The following PLOD1 variants were observed in gnomAD, a reference collection of about 807,000 sequenced individuals.
The protein encoded by PLOD1 is lysine hydroxylase.
In PLOD1, 70 loss-of-function variants were observed where a neutral mutation model predicts 94.7. The ratio of observed to expected loss-of-function variants is 0.74; its 90% CI spans 0.61 to 0.90. The LOEUF is 0.90. Ranked by LOEUF, PLOD1 falls within the 40% of genes least tolerant of loss-of-function variation. The pLI, the probability that PLOD1 is intolerant of heterozygous loss-of-function variation, is 0.00. For synonymous variants in PLOD1, 417 were observed against 400.2 expected (o/e 1.04, Z -0.50); for missense variants, 905 against 972.7 (o/e 0.93, Z 0.93).
rs1424536363 is a variant in PLOD1, at chr1:11,957,267, TG to T, written c.741+256del. 5.7e-6 allele frequency: 4 copies of T among 697,588 alleles called. No homozygotes were observed. The highest frequency in any genetic ancestry group is 1.1e-5 in the Non-Finnish European group (4 of 370,186). The allele number at this position is 697,588 out of a possible 1,614,324, so 43.2% of individuals were successfully genotyped here. On this transcript the variant is annotated intron_variant, in intron 7 of 18. Transcript: ENST00000196061. This position sits in a 1 kb window ranked among gnomAD's most constrained non-coding sequence, Gnocchi z 4.1. ...CTGCCATCCCCTTCCAGGCCTAGGCTGGGCTACCAGAGCCATCTGCACTGTC... is the reference window on the plus strand; with the variant it reads ...CTGCCATCCCCTTCCAGGCCTAGGCTGGCTACCAGAGCCATCTGCACTGTC...
rs1419423764 is a variant in PLOD1, at chr1:11,966,332, A to G, written c.1650+16A>G. 2 of 1,575,314 alleles carry G rather than the reference A, an allele frequency of 1.3e-6. No homozygotes were observed. The highest frequency in any genetic ancestry group is 1.1e-5 in the South Asian group (1 of 88,192). On this transcript the variant is annotated intron_variant, in intron 15 of 18. Coordinates refer to ENST00000196061, the MANE Select transcript of PLOD1 (RefSeq NM_000302.4). ...GGTGGAGACGGTAAGGGCCATGGAC[A>G]CCCTCTTGGACCAGCCTTGCCTGCT...
At chr1:11,956,846 C>A in intron 6 of PLOD1, 71 bp from the exon 7 acceptor site, 1 of 980,454 alleles carries the variant, frequency 1.0e-6, no homozygotes, top group Non-Finnish European at 1.7e-6. Flanking sequence ...GGGATTTGAG[C>A]CCAGCTGGTT....
Position 11,957,054 on chromosome 1 carries a change from C to A in PLOD1, c.741+40C>A. 2 of 1,306,786 alleles carry A rather than the reference C, an allele frequency of 1.5e-6. No homozygotes were observed. Among genetic ancestry groups the A allele is most frequent in the Non-Finnish European group, 2.2e-6 (2 of 899,544 alleles). 80.9% of individuals were successfully genotyped at this position (1,306,786 alleles called of 1,614,324 possible). On this transcript the variant is annotated intron_variant, in intron 7 of 18. Coordinates refer to ENST00000196061, the MANE Select transcript of PLOD1 (RefSeq NM_000302.4). This position sits in a 1 kb window ranked among gnomAD's most constrained non-coding sequence, Gnocchi z 4.1. ...GCCCCTGGGGAGTGTGGGAGGGGGC[C>A]AGAGCCCTAATTTCATTCTCACTGT...
intron 1 of PLOD1, among the ~76,000 whole-genome samples, chr1:11,946,750 T>C (rs1198063455): frequency 1.3e-5 from 2 of 150,974 alleles, no homozygotes; most frequent in Non-Finnish European, 3.0e-5. Context: ...CTTCATGACA[T>C]GTTGGTCAGT....
At chr1:11,956,317 G>A (rs1645737420) in intron 6 of PLOD1, among the ~76,000 whole-genome samples, 1 of 152,158 alleles carries the variant, frequency 6.6e-6, no homozygotes, top group Admixed American at 6.5e-5. Context: ...CTGGGAGGCG[G>A]AGGTTGCAGT....
rs546442143 is a variant in PLOD1 at position 11,961,091 on chromosome 1, T to TA, written c.1097+334dup. ...CTTGAATGTTTTACTTTATTATATA[T>TA]AAAAAAAAAAGGCCGAGAGCAGTGG... On this transcript the variant is annotated intron_variant, in intron 10 of 18. Coordinates refer to ENST00000196061, the MANE Select transcript of PLOD1 (RefSeq NM_000302.4). 2.9e-3 allele frequency among the ~76,000 whole-genome samples: 427 copies of TA among 145,990 alleles called. 1 individual carries two copies. Among genetic ancestry groups the TA allele is most frequent in the African/African-American group, 9.4e-3 (376 of 40,042 alleles).
intron 5 of PLOD1, among the ~76,000 whole-genome samples, chr1:11,953,011 A>T (rs1645714148): frequency 6.6e-6 from 1 of 152,138 alleles, no homozygotes; most frequent in East Asian, 1.9e-4. Flanking sequence ...CAGATGGTGG[A>T]AGGGGGTAGG....
At chr1:11,948,615 A>T (rs959786181) in intron 2 of PLOD1, among the ~76,000 whole-genome samples, 2 of 152,120 alleles carry the variant, frequency 1.3e-5, no homozygotes, top group Non-Finnish European at 2.9e-5. Flanking sequence ...CTGTAATCCC[A>T]GCTGCTTAGG....
rs768008712 is a variant in PLOD1 at position 11,960,641 on chromosome 1, C to T, written c.976-5C>T. Reference sequence around the variant, plus strand: ...CCGCATCCCCTTCCCCATCCCCAACCCCAGGAGCAGCACCACAAGGCTCAG... The same window carrying T: ...CCGCATCCCCTTCCCCATCCCCAACTCCAGGAGCAGCACCACAAGGCTCAG... On this transcript the variant is annotated splice_polypyrimidine_tract_variant and splice_region_variant and intron_variant, in intron 9 of 18. Coordinates refer to ENST00000196061, the MANE Select transcript of PLOD1 (RefSeq NM_000302.4). 1.9e-6 allele frequency: 3 copies of T among 1,610,394 alleles called. No homozygotes were observed. Among genetic ancestry groups the T allele is most frequent in the Non-Finnish European group, 2.5e-6 (3 of 1,178,352 alleles).
rs760869815 is a variant in PLOD1, at chr1:11,957,926, A to G, written c.826A>G (p.Ser276Gly). 3.1e-6 allele frequency: 5 copies of G among 1,613,044 alleles called. No homozygotes were observed. Among genetic ancestry groups the G allele is most frequent in the Non-Finnish European group, 4.2e-6 (5 of 1,179,020 alleles). The change falls in exon 8 of 19, where the codon AGC becomes GGC. Residue 276 changes from serine (S) to glycine (G), a missense_variant. Physicochemically the swap from Ser to Gly is moderately conservative, Grantham distance 56 (BLOSUM62 0). Transcript: ENST00000196061. The surrounding 1 kb of genome is among the most constrained non-coding windows in gnomAD (Gnocchi z 4.1). ...CACCGTGTGTGACGAAGGCTTGCGC[A>G]GCCTCAAGGGCATTGGGGTGAGGCT... The part of the protein sequence containing the change: ...GCTVCDEGLR[S>G]LKGIGDEALP...
chr1:11,951,565 AT>A (rs146500769), intron 4 of PLOD1, among the ~76,000 whole-genome samples: 6,347 of 146,942 alleles, frequency 0.043, 441 homozygotes, highest in African/African-American at 0.15. Context: ...TAAATAAAAA[AT>A]AATACTATAT....
chr1:11,948,102 G>A lies in PLOD1; in HGVS notation c.168+35G>A, dbSNP rs199748181. 40 of 1,401,920 alleles carry A rather than the reference G, an allele frequency of 2.9e-5. No individual in the cohort carries two copies. In the East Asian group the frequency reaches 8.6e-4, roughly 30 times the overall value. The allele number at this position is 1,401,920 out of a possible 1,614,324, so 86.8% of individuals were successfully genotyped here. A position where few individuals can be genotyped will look rare whatever the true frequency, so the allele number is the denominator to read the frequency against. On this transcript the variant is annotated intron_variant, in intron 2 of 18. Coordinates refer to ENST00000196061, the MANE Select transcript of PLOD1 (RefSeq NM_000302.4). ...TTCCTGGGTGAGGCAGAGACAGTGAGGGGTGGCAGGAGGATCTAGGAGCTA... is the reference window on the plus strand; with the variant it reads ...TTCCTGGGTGAGGCAGAGACAGTGAAGGGTGGCAGGAGGATCTAGGAGCTA...
Position 11,943,300 on chromosome 1 carries a change from C to CTT in PLOD1, c.77-4664_77-4663dup, listed in dbSNP as rs1553132909. The stretch of plus-strand genomic sequence containing the variant: ...ACCGTGCCCGGCTTTTTTTTTCTTT[C>CTT]TTTTTTTTTTTTTGAGACAGAGTTT... On this transcript the variant is annotated intron_variant, in intron 1 of 18. Transcript: ENST00000196061. 1.4e-3 allele frequency among the ~76,000 whole-genome samples: 204 copies of CTT among 141,464 alleles called. 1 individual carries two copies. Among genetic ancestry groups the CTT allele is most frequent in the African/African-American group, 5.2e-3 (198 of 38,210 alleles). The allele number at this position is 141,464 out of a possible 152,430, so 92.8% of individuals were successfully genotyped here.
intron 3 of PLOD1, 87 bp from the exon 4 acceptor site, chr1:11,950,270 C>T (rs957284108): frequency 7.4e-7 from 1 of 1,342,922 alleles, no homozygotes; most frequent in African/African-American, 1.4e-5. Flanking sequence ...TTGTGGAGCA[C>T]TTGATCCCTG....
Position 11,950,437 on chromosome 1 carries a change from C to A in PLOD1, c.383C>A (p.Ala128Asp), listed in dbSNP as rs1436188796. Residue 128 changes from alanine to aspartate, a missense_variant, in exon 4 of 19, where the codon GCT (alanine) becomes GAT (aspartate). Coordinates refer to ENST00000196061, the MANE Select transcript of PLOD1 (RefSeq NM_000302.4). ...RQARSQVVFS[A>D]EELIYPDRRL... ...GCCAGGAGCCAGGTGGTCTTCTCTGCTGAGGAGCTCATCTACCCAGACCGC... is the reference window on the plus strand; with the variant it reads ...GCCAGGAGCCAGGTGGTCTTCTCTGATGAGGAGCTCATCTACCCAGACCGC... 2.5e-6 allele frequency: 4 copies of A among 1,614,156 alleles called. No homozygotes were observed. The South Asian group carries it at 4.4e-5, about 18-fold the overall frequency.
chr1:11,944,525 C>A, intron 1 of PLOD1: 1 of 1,343,616 alleles, frequency 7.4e-7, no homozygotes, highest in South Asian at 1.2e-5. Flanking sequence ...CCAGCAGCCC[C>A]CTGTTGCCAA....
intron 6 of PLOD1, among the ~76,000 whole-genome samples, chr1:11,956,364 A>G (rs1264560304): frequency 3.3e-5 from 5 of 152,158 alleles, no homozygotes; most frequent in African/African-American, 4.8e-5. Context: ...ACACTGGGCA[A>G]TAGAATGAGA....
chr1:11,950,057 AGCCC>A, intron 3 of PLOD1, 151 bp downstream of exon 3: 1 of 877,168 alleles, frequency 1.1e-6, no homozygotes, highest in South Asian at 1.4e-5. Context: ...GTCTTAGTAA[AGCCC>A]ATTCCCAGGC....
At chr1:11,960,290 C>T (rs1012157550) in intron 9 of PLOD1, among the ~76,000 whole-genome samples, 2 of 152,118 alleles carry the variant, frequency 1.3e-5, no homozygotes, top group African/African-American at 2.4e-5. Context: ...TTTTTCAAAG[C>T]GAAGTTGAGG....
Sources: gnomAD v4.1 joint callset for allele counts (sites outside exome capture counted in the v4.1 genomes callset) on GRCh38, gnomAD v4.1.1 for gene constraint, Gnocchi (gnomAD v3.1) non-coding constraint, MANE v1.5 for transcripts, NCBI Gene and HGNC (gene_info 2026-07-23, HGNC 2026-07-21) for gene names.